Variants in CLNK observed in about 807,000 individuals in gnomAD.
The protein encoded by CLNK is cytokine-dependent hematopoietic cell linker.
Under a neutral mutation model 68.6 loss-of-function variants are expected in CLNK, and 74 were observed. That is an observed-to-expected ratio of 1.08 (90% CI 0.89 to 1.31). The LOEUF (loss-of-function observed/expected upper bound fraction) is 1.31. CLNK is among the 50% of genes most tolerant of loss of function. CLNK has a pLI of 0.00. For missense variants in CLNK, 553 were observed against 515.3 expected (o/e 1.07, Z -0.71); for synonymous variants, 198 against 172.2 (o/e 1.15, Z -1.17).
At chr4:10,568,777 T>G (rs1014901729) in intron 5 of CLNK, among the ~76,000 whole-genome samples, 1 of 152,208 alleles carries the variant, frequency 6.6e-6, no homozygotes, top group Non-Finnish European at 1.5e-5. Flanking sequence ...TGCCAGCATG[T>G]TGCTTTCAGT....
the CLNK span, among the ~76,000 whole-genome samples, chr4:10,719,533 T>C: frequency 6.6e-6 from 1 of 151,986 alleles, no homozygotes; most frequent in Admixed American, 6.5e-5. Flanking sequence ...TGTGTGTGCA[T>C]ACACACACAA....
rs1022460634 is a variant in CLNK at position 10,531,631 on chromosome 4, G to A, written c.630+625C>T. The A allele has an allele frequency of 1.2e-5, 5 of 405,326 alleles. No individual in the cohort carries two copies. The Admixed American group carries it at 1.5e-4, about 12-fold the overall frequency. 25.1% of individuals were successfully genotyped at this position (405,326 alleles called of 1,614,324 possible). A position where few individuals can be genotyped will look rare whatever the true frequency, so the allele number is the denominator to read the frequency against. ...TAATTTTGTATTTTTTGTAGAGATG[G>A]GGTTTCTTCATGTTGGTCAGGCTGA... On this transcript the variant is annotated intron_variant, in intron 12 of 18. Transcript: ENST00000226951.
chr4:10,712,989 A>G, the CLNK span, among the ~76,000 whole-genome samples: 2,661 of 152,268 alleles, frequency 0.017, 81 homozygotes, highest in African/African-American at 0.06. Flanking sequence ...TCCCTGGCCC[A>G]TTGCCCACCA....
chr4:10,571,884 T>A, intron 4 of CLNK, 106 bp from the exon 5 acceptor site: 1 of 807,838 alleles, frequency 1.2e-6, no homozygotes, highest in East Asian at 2.7e-5. Flanking sequence ...TCAGTTTTAA[T>A]TAACTTACCT....
chr4:10,644,063 G>T (rs1723418781), intron 2 of CLNK, among the ~76,000 whole-genome samples: 1 of 152,222 alleles, frequency 6.6e-6, no homozygotes, highest in Admixed American at 6.5e-5. Flanking sequence ...AAGGGAGAAA[G>T]GGGAGCCCGT....
intron 2 of CLNK, among the ~76,000 whole-genome samples, chr4:10,615,619 A>G (rs1470506453): frequency 1.3e-5 from 2 of 152,364 alleles, no homozygotes; most frequent in African/African-American, 4.8e-5. Context: ...CTCCAGGTAT[A>G]GACCCCAGGA....
At chr4:10,613,767 A>G (rs1577168199) in intron 2 of CLNK, among the ~76,000 whole-genome samples, 1 of 152,342 alleles carries the variant, frequency 6.6e-6, no homozygotes, top group Non-Finnish European at 1.5e-5. Flanking sequence ...GACTTCACCC[A>G]CAGAATTAAT....
intron 1 of CLNK, among the ~76,000 whole-genome samples, chr4:10,672,172 G>C (rs1027167435): frequency 2.5e-4 from 38 of 152,220 alleles, no homozygotes; most frequent in Non-Finnish European, 3.5e-4. Context: ...CTACGAGGAA[G>C]TGGGGGAGGG....
intron 2 of CLNK, among the ~76,000 whole-genome samples, chr4:10,616,784 G>GTATA (rs1323743699): frequency 8.9e-5 from 1 of 11,194 alleles, no homozygotes; most frequent in African/African-American, 1.6e-4. Flanking sequence ...ATATATGTGT[G>GTATA]TGTGTGTATA....
intron 15 of CLNK, among the ~76,000 whole-genome samples, chr4:10,515,256 T>C (rs1717779903): frequency 6.6e-6 from 1 of 152,006 alleles, no homozygotes; most frequent in Admixed American, 6.6e-5. Context: ...AGAATTCTGA[T>C]ATGATTTCCT....
chr4:10,531,738 G>C (rs986794090), intron 12 of CLNK: 1 of 456,754 alleles, frequency 2.2e-6, no homozygotes. Flanking sequence ...ACTGCACCTG[G>C]CCCCCATCCC....
At chr4:10,537,678 T>TTTC (rs1718836000) in intron 11 of CLNK, among the ~76,000 whole-genome samples, 2 of 38,516 alleles carry the variant, frequency 5.2e-5, no homozygotes, top group African/African-American at 2.3e-4. Flanking sequence ...TTTCTTTCTT[T>TTTC]CTTCCTTCCT....
rs1719760194 is a variant in CLNK, at chr4:10,558,414, GT to G, written c.437del (p.Asn146ThrfsTer8). Reference sequence around the variant, plus strand: ...CGATTAACATGACTTTACCTTTAATGTTTTGGCTTCTGACGTCCTTGGAAAT... The same window carrying G: ...CGATTAACATGACTTTACCTTTAATGTTTGGCTTCTGACGTCCTTGGAAAT... Reference protein sequence around the residue: ...KPISKDVRSQNIKGDASVRKN... With the variant: ...KPISKDVRSQXIKGDASVRKN... On this transcript the variant is annotated frameshift_variant, in exon 8 of 19. Coordinates refer to ENST00000226951, the MANE Select transcript of CLNK (RefSeq NM_052964.4). LOFTEE classifies it high-confidence loss of function. 6.2e-7 allele frequency: 1 copy of G among 1,613,594 alleles called. No homozygotes were observed. Among genetic ancestry groups the G allele is most frequent in the South Asian group, 1.1e-5 (1 of 91,070 alleles).
At chr4:10,650,546 T>C (rs1050346905) in intron 2 of CLNK, among the ~76,000 whole-genome samples, 8 of 152,144 alleles carry the variant, frequency 5.3e-5, no homozygotes, top group Admixed American at 2.0e-4. Flanking sequence ...TATTTTTCAT[T>C]AATACCTGTT....
the CLNK span, among the ~76,000 whole-genome samples, chr4:10,724,440 C>G: frequency 6.6e-6 from 1 of 151,252 alleles, no homozygotes; most frequent in East Asian, 1.9e-4. Flanking sequence ...AAGTCATTTT[C>G]TGGAATACTA....
intron 2 of CLNK, among the ~76,000 whole-genome samples, chr4:10,634,373 T>C (rs531221697): frequency 6.6e-6 from 1 of 152,334 alleles, no homozygotes; most frequent in South Asian, 2.1e-4. Context: ...GTTTCCCAGC[T>C]TCCCAGCCAG....
chr4:10,620,706 T>C (rs1577173872), intron 2 of CLNK, among the ~76,000 whole-genome samples: 1 of 152,118 alleles, frequency 6.6e-6, no homozygotes, highest in East Asian at 1.9e-4. Flanking sequence ...CTCCTGGTGC[T>C]CTGTGTTTAC....
At chr4:10,546,554 C>T (rs1719239426) in intron 8 of CLNK, among the ~76,000 whole-genome samples, 1 of 152,216 alleles carries the variant, frequency 6.6e-6, no homozygotes, top group African/African-American at 2.4e-5. Context: ...AACCACCTAT[C>T]TAATCACTAA....
At position 10,676,206 on chromosome 4, in the gene CLNK, T is replaced by C. The variant is rs116633087; in HGVS notation, c.-42-8295A>G. ...TTATATGTATTTTCTTTAATTTTCATATCAAAAATGAGAAAGTTACATTTT... is the reference window on the plus strand; with the variant it reads ...TTATATGTATTTTCTTTAATTTTCACATCAAAAATGAGAAAGTTACATTTT... On this transcript the variant is annotated intron_variant, in intron 1 of 18. Transcript: ENST00000226951. 2.7e-3 allele frequency among the ~76,000 whole-genome samples: 413 copies of C among 152,252 alleles called. 3 individuals are homozygous for C. The highest frequency in any genetic ancestry group is 9.5e-3 in the African/African-American group (396 of 41,554).
Sources: gnomAD v4.1 joint callset for allele counts (sites outside exome capture counted in the v4.1 genomes callset) on GRCh38, gnomAD v4.1.1 for gene constraint, MANE v1.5 for transcripts, NCBI Gene and HGNC (gene_info 2026-07-23, HGNC 2026-07-21) for gene names.